SLC35F5: variants seen among roughly 807,000 people sequenced by gnomAD.
SLC35F5 encodes HCV NS5A-transactivated protein 3.
In SLC35F5, 54 loss-of-function variants were observed where a neutral mutation model predicts 68.6. That is an observed-to-expected ratio of 0.79 (90% CI 0.63 to 0.99). The LOEUF (loss-of-function observed/expected upper bound fraction) is 0.99, where lower values mean the gene tolerates loss of function less well. Ranked by LOEUF, SLC35F5 falls within the 50% of genes least tolerant of loss-of-function variation. The probability of loss-of-function intolerance (pLI) is 0.00; values close to 1 mark genes in which losing one functional copy is unlikely to be tolerated. For missense variants in SLC35F5, 567 were observed against 626.9 expected, an observed-to-expected ratio of 0.90 and a Z score of 1.02; for synonymous variants, 211 against 205.2, an observed-to-expected ratio of 1.03 and a Z score of -0.24.
chr2:113,753,563 C>A (rs192613468), intron 3 of SLC35F5, among the ~76,000 whole-genome samples: 1 of 152,070 alleles, frequency 6.6e-6, no homozygotes, highest in East Asian at 1.9e-4. Context: ...AAAACATCCT[C>A]TTACTAAAAT....
chr2:113,755,097 G>A, intron 3 of SLC35F5, 68 bp downstream of exon 3: 8 of 1,482,704 alleles, frequency 5.4e-6, no homozygotes, highest in Non-Finnish European at 6.5e-6. Flanking sequence ...AACGGCTAGA[G>A]TTACTACAGG....
At chr2:113,756,212 GCGC>G (rs2104501938) in intron 1 of SLC35F5, 155 bp downstream of exon 1, 1 of 1,505,170 alleles carries the variant, frequency 6.6e-7, no homozygotes, top group African/African-American at 1.4e-5. Context: ...CAGGGCTCCG[GCGC>G]CCCTGTCAGC....
rs545039210 is a variant in SLC35F5 at position 113,729,522 on chromosome 2, G to A, written c.986-17C>T. 1.4e-6 allele frequency: 2 copies of A among 1,392,452 alleles called. No homozygotes were observed. The highest frequency in any genetic ancestry group is 1.4e-5 in the African/African-American group (1 of 69,546). The allele number at this position is 1,392,452 out of a possible 1,614,324, so 86.3% of individuals were successfully genotyped here. ...AAATGGAACCTGTAAAAATGGACAT[G>A]ATTTAAAGCAATCACTCATTAGCTC... On this transcript the variant is annotated splice_polypyrimidine_tract_variant and intron_variant, in intron 10 of 15. Transcript: ENST00000245680.
downstream of SLC35F5, chr2:113,704,044 G>A (rs765747856): frequency 8.5e-5 from 13 of 152,308 alleles, no homozygotes; most frequent in Admixed American, 2.6e-4. Flanking sequence ...GTGAAGCTGC[G>A]GACCTTCACC....
chr2:113,756,082 G>A, intron 1 of SLC35F5: 2 of 1,452,280 alleles, frequency 1.4e-6, no homozygotes, highest in Non-Finnish European at 9.1e-7. Flanking sequence ...AAAAGAAACA[G>A]CTGGGAAAAG....
intron 11 of SLC35F5, among the ~76,000 whole-genome samples, chr2:113,727,233 C>T (rs1687698563): frequency 6.6e-6 from 1 of 152,096 alleles, no homozygotes; most frequent in Non-Finnish European, 1.5e-5. Flanking sequence ...TTCCTGAGGC[C>T]TCCCCAGCCA....
At chr2:113,736,258 G>A (rs1481476497) in intron 7 of SLC35F5, among the ~76,000 whole-genome samples, 3 of 149,606 alleles carry the variant, frequency 2.0e-5, no homozygotes, top group African/African-American at 4.9e-5. Flanking sequence ...GGGCAACACA[G>A]TGAAACCCCA....
chr2:113,749,803 AT>A (rs1676661924), intron 4 of SLC35F5, among the ~76,000 whole-genome samples: 1 of 152,156 alleles, frequency 6.6e-6, no homozygotes, highest in Non-Finnish European at 1.5e-5. Flanking sequence ...CATTATATAT[AT>A]TCTAACATAA....
chr2:113,739,461 C>T (rs965531385), intron 7 of SLC35F5, among the ~76,000 whole-genome samples: 1 of 152,088 alleles, frequency 6.6e-6, no homozygotes, highest in Non-Finnish European at 1.5e-5. Context: ...GGACTATATT[C>T]CTCTGACTTC....
At position 113,728,619 on chromosome 2, in the gene SLC35F5, C is replaced by T. The variant is rs538385828; in HGVS notation, c.1090+782G>A. ...AAATCACAGTTTAGAGGCCATTCAT[C>T]TAGTCCAATTTCCTCATATTTCAGA... On this transcript the variant is annotated intron_variant, in intron 11 of 15. Transcript: ENST00000245680. Among the ~76,000 whole-genome samples the T allele has an allele frequency of 9.8e-4, 150 of 152,326 alleles. 1 individual carries two copies. Among genetic ancestry groups the T allele is most frequent in the African/African-American group, 3.4e-3 (142 of 41,578 alleles).
intron 8 of SLC35F5, 46 bp from the exon 9 acceptor site, chr2:113,734,719 T>C: frequency 8.6e-7 from 1 of 1,160,712 alleles, no homozygotes; most frequent in Non-Finnish European, 1.2e-6. Flanking sequence ...GTTTAAATAC[T>C]GTCAACATTT....
In SLC35F5 at chr2:113,756,598, G is replaced by A. The variant is rs1330351258; in HGVS notation, c.-189C>T. ...CAGGAGGGCGTGGAGCGGGTGAGGG[G>A]AAGGGACGGCACAGTCAGCTATGGC... is the stretch of plus-strand genomic sequence containing the variant. On this transcript the variant is annotated 5_prime_UTR_variant, in exon 1 of 16. Transcript: ENST00000245680. 7.1e-7 allele frequency: 1 copy of A among 1,404,826 alleles called. No homozygotes were observed. The highest frequency in any genetic ancestry group is 1.5e-5 in the South Asian group (1 of 67,374). 87.0% of individuals were successfully genotyped at this position (1,404,826 alleles called of 1,614,324 possible).
chr2:113,707,256 A>G lies in SLC35F5; in HGVS notation c.*7962T>C, dbSNP rs940907507. 3.9e-5 allele frequency among the ~76,000 whole-genome samples: 6 copies of G among 152,212 alleles called. No individual in the cohort carries two copies. Among genetic ancestry groups the G allele is most frequent in the African/African-American group, 1.4e-4 (6 of 41,450 alleles). On this transcript the variant is annotated 3_prime_UTR_variant, in exon 16 of 16. Coordinates refer to ENST00000245680, the MANE Select transcript of SLC35F5 (RefSeq NM_025181.5). ...TGGGTCTGGTAATTAAGTTGACTTA[A>G]TATTTGCACATAGCTACTGATTACT...
At position 113,755,324 on chromosome 2, in the gene SLC35F5, C is replaced by A; in HGVS notation, c.132-18G>T. 6.2e-7 allele frequency: 1 copy of A among 1,613,204 alleles called. No individual in the cohort carries two copies. Among genetic ancestry groups the A allele is most frequent in the Non-Finnish European group, 8.5e-7 (1 of 1,179,308 alleles). ...TTTGCAGTCTGTTTTTTAGAAAATA[C>A]AGATCACATTAGAGATGATTTTAGA... On this transcript the variant is annotated intron_variant, in intron 2 of 15. Coordinates refer to ENST00000245680, the MANE Select transcript of SLC35F5 (RefSeq NM_025181.5).
chr2:113,705,828 G>GA (rs377478600), downstream of SLC35F5, among the ~76,000 whole-genome samples: 10 of 151,604 alleles, frequency 6.6e-5, no homozygotes, highest in Non-Finnish European at 1.3e-4. Context: ...TTTTGTCACT[G>GA]AAAAATATTT....
Position 113,707,296 on chromosome 2 carries a change from C to T in SLC35F5, c.*7922G>A, listed in dbSNP as rs1686825121. Among the ~76,000 whole-genome samples the T allele has an allele frequency of 6.6e-6, 1 of 152,130 alleles. No homozygotes were observed. The highest frequency in any genetic ancestry group is 6.6e-5 in the Admixed American group (1 of 15,266). On this transcript the variant is annotated 3_prime_UTR_variant, in exon 16 of 16. Transcript: ENST00000245680. The stretch of plus-strand genomic sequence containing the variant: ...TACTGATTACTCAATACAGGCCTAT[C>T]AGATAAAACTAAAATGCTGCAACTT...
rs1434609028 is a variant in SLC35F5, at chr2:113,714,180, T to C, written c.*1038A>G. 6.6e-6 allele frequency: 1 copy of C among 152,156 alleles called. No individual in the cohort carries two copies. Among genetic ancestry groups the C allele is most frequent in the Non-Finnish European group, 1.5e-5 (1 of 67,982 alleles). The allele number at this position is 152,156 out of a possible 1,614,324, so 9.4% of individuals were successfully genotyped here. Reference sequence around the variant, plus strand: ...TCTTAGTAGAGGAAAAGTTCTGATGTGATTTTAAAAACAGAATCCCTTCTC... The same window carrying C: ...TCTTAGTAGAGGAAAAGTTCTGATGCGATTTTAAAAACAGAATCCCTTCTC... On this transcript the variant is annotated 3_prime_UTR_variant, in exon 16 of 16. Transcript: ENST00000245680.
intron 1 of SLC35F5, chr2:113,755,952 A>C: frequency 6.5e-7 from 1 of 1,550,154 alleles, no homozygotes; most frequent in Non-Finnish European, 8.7e-7. Flanking sequence ...GAATTTGGTT[A>C]TCGGAGAGTA....
Position 113,725,442 on chromosome 2 carries a change from CTACTT to C in SLC35F5, c.1181_1185del (p.Lys394SerfsTer8). 6.2e-7 allele frequency: 1 copy of C among 1,611,076 alleles called. No individual in the cohort carries two copies. The highest frequency in any genetic ancestry group is 8.5e-7 in the Non-Finnish European group (1 of 1,178,704). On this transcript the variant is annotated frameshift_variant, in exon 12 of 16. Coordinates refer to ENST00000245680, the MANE Select transcript of SLC35F5 (RefSeq NM_025181.5). LOFTEE classifies it high-confidence loss of function. ...CCATTAATGATAATGCACATTAATA[CTACTT>C]TATTGGGAAACTCGAAGTCCTCAAA...
Sources: allele counts gnomAD v4.1 joint callset (sites outside exome capture counted in the v4.1 genomes callset), GRCh38; gene constraint gnomAD v4.1.1; transcripts MANE v1.5; gene names NCBI Gene and HGNC (gene_info 2026-07-23, HGNC 2026-07-21).